Variants in OSBPL9 observed in about 807,000 individuals in gnomAD.
The protein encoded by OSBPL9 is oxysterol-binding protein-related protein 9.
A neutral mutation model predicts 106.6 loss-of-function variants in OSBPL9; 40 were observed. That is an observed-to-expected ratio of 0.38 (90% confidence interval 0.29 to 0.49). OSBPL9 has a LOEUF of 0.49. OSBPL9 is among the 20% of genes least tolerant of loss of function. The pLI is 0.97. For missense variants in OSBPL9, 609 were observed against 887.2 expected (o/e 0.69, Z 3.98); for synonymous variants, 269 against 295.4 (o/e 0.91, Z 0.92).
At chr1:51,707,195 AT>A in intron 3 of OSBPL9, 1 of 389,280 alleles carries the variant, frequency 2.6e-6, no homozygotes, top group South Asian at 2.0e-5. Flanking sequence ...AGCCAGATTC[AT>A]TTTCATTGTC....
intron 2 of OSBPL9, among the ~76,000 whole-genome samples, chr1:51,611,000 C>T (rs1271979674): frequency 6.6e-6 from 1 of 152,222 alleles, no homozygotes; most frequent in Non-Finnish European, 1.5e-5. Flanking sequence ...TCACTTCCAT[C>T]TGTGAAGGAG....
At chr1:51,576,486 G>A (rs552712432), upstream of OSBPL9, among the ~76,000 whole-genome samples, 2 of 152,252 alleles carry the variant, frequency 1.3e-5, no homozygotes, top group Admixed American at 6.5e-5. Context: ...TAGGTTTTTT[G>A]TTGGTTGTTT....
intron 3 of OSBPL9, among the ~76,000 whole-genome samples, chr1:51,688,324 T>C (rs1048410050): frequency 6.6e-6 from 1 of 152,196 alleles, no homozygotes; most frequent in Non-Finnish European, 1.5e-5. Context: ...ATATATATTT[T>C]TTGGCATGTC....
At chr1:51,523,531 T>C in the OSBPL9 span, among the ~76,000 whole-genome samples, 1 of 152,142 alleles carries the variant, frequency 6.6e-6, no homozygotes, top group Non-Finnish European at 1.5e-5. Flanking sequence ...AAGCTGGGAA[T>C]TATACACAAT....
chr1:51,527,191 CTT>C, the OSBPL9 span, among the ~76,000 whole-genome samples: 1 of 152,058 alleles, frequency 6.6e-6, no homozygotes, highest in African/African-American at 2.4e-5. Context: ...TATTAAAACT[CTT>C]TGACCCTCAG....
At chr1:51,777,087 A>G (rs1675256052) in intron 15 of OSBPL9, among the ~76,000 whole-genome samples, 169 bp downstream of exon 15, 1 of 152,176 alleles carries the variant, frequency 6.6e-6, no homozygotes, top group Non-Finnish European at 1.5e-5. Context: ...TTAAAGTTAT[A>G]TGGTGGCGAT....
intron 1 of OSBPL9, among the ~76,000 whole-genome samples, chr1:51,594,362 A>G (rs1341093365): frequency 6.6e-6 from 1 of 152,176 alleles, no homozygotes; most frequent in African/African-American, 2.4e-5. Context: ...AGATCATGCC[A>G]TTGCACTCCA....
Position 51,774,343 on chromosome 1 carries a change from T to A in OSBPL9, c.1170+1620T>A, listed in dbSNP as rs71653011. ...ATTATAAATGATATTATCATAATTATTTTTTACTGAATGTGTTTAAAATAA... is the reference window on the plus strand; with the variant it reads ...ATTATAAATGATATTATCATAATTAATTTTTACTGAATGTGTTTAAAATAA... On this transcript the variant is annotated intron_variant, in intron 14 of 23. Coordinates refer to ENST00000428468, the MANE Select transcript of OSBPL9 (RefSeq NM_024586.6). 8.0e-3 allele frequency among the ~76,000 whole-genome samples: 1,226 copies of A among 152,346 alleles called. 11 individuals carry two copies. Among genetic ancestry groups the A allele is most frequent in the Admixed American group, 0.022 (329 of 15,300 alleles).
chr1:51,534,087 C>T, the OSBPL9 span, among the ~76,000 whole-genome samples: 2 of 151,428 alleles, frequency 1.3e-5, no homozygotes, highest in African/African-American at 2.4e-5. Flanking sequence ...TGCTGTAGTC[C>T]CAGCTACTCA....
chr1:51,660,148 C>T (rs1284782874), intron 2 of OSBPL9, among the ~76,000 whole-genome samples: 3 of 152,172 alleles, frequency 2.0e-5, no homozygotes, highest in South Asian at 2.1e-4. Context: ...AAGAAGATTA[C>T]TCTTTACCCC....
intron 15 of OSBPL9, among the ~76,000 whole-genome samples, chr1:51,780,722 G>A (rs1467065764): frequency 1.3e-5 from 2 of 151,954 alleles, no homozygotes; most frequent in African/African-American, 2.4e-5. Context: ...CCGAGATCAC[G>A]CCACTGCACT....
intron 4 of OSBPL9, among the ~76,000 whole-genome samples, chr1:51,742,152 A>G (rs929433766): frequency 6.6e-6 from 1 of 152,212 alleles, no homozygotes. Context: ...TGATGGGTAT[A>G]GTGATGAATG....
At chr1:51,712,179 G>A (rs1660162852) in intron 3 of OSBPL9, among the ~76,000 whole-genome samples, 2 of 152,238 alleles carry the variant, frequency 1.3e-5, no homozygotes, top group South Asian at 4.1e-4. Context: ...GGGAGGCCGA[G>A]GCTGGCGGAT....
the OSBPL9 span, among the ~76,000 whole-genome samples, chr1:51,562,295 T>C: frequency 6.6e-6 from 1 of 152,102 alleles, no homozygotes; most frequent in African/African-American, 2.4e-5. Context: ...TTTTAAATTG[T>C]GTAGCACCTC....
At chr1:51,768,745 A>G (rs1673178773) in intron 12 of OSBPL9, among the ~76,000 whole-genome samples, 1 of 152,224 alleles carries the variant, frequency 6.6e-6, no homozygotes, top group Non-Finnish European at 1.5e-5. Context: ...TGTACCTGTA[A>G]TAGGCAGGTC....
intron 4 of OSBPL9, among the ~76,000 whole-genome samples, chr1:51,735,734 G>GA: frequency 6.6e-6 from 1 of 152,200 alleles, no homozygotes; most frequent in African/African-American, 2.4e-5. Flanking sequence ...TGAATTCTAA[G>GA]GTCCAGCATA....
chr1:51,573,578 G>A (rs542267318), upstream of OSBPL9, among the ~76,000 whole-genome samples: 4 of 150,284 alleles, frequency 2.7e-5, no homozygotes, highest in South Asian at 8.4e-4. Context: ...CATTTTGGGA[G>A]GCTAAGGCGG....
At chr1:51,613,086 G>T (rs1461918865), upstream of OSBPL9, among the ~76,000 whole-genome samples, 3 of 152,220 alleles carry the variant, frequency 2.0e-5, no homozygotes, top group East Asian at 5.8e-4. Context: ...CAATGGAACA[G>T]ATAATTCAGA....
chr1:51,608,968 C>G (rs549688002), intron 2 of OSBPL9, among the ~76,000 whole-genome samples: 1 of 150,588 alleles, frequency 6.6e-6, no homozygotes, highest in African/African-American at 2.4e-5. Flanking sequence ...CTTTTTTTTT[C>G]ACTTCACAGA....
Sources: allele counts gnomAD v4.1 joint callset (sites outside exome capture counted in the v4.1 genomes callset), GRCh38; gene constraint gnomAD v4.1.1; transcripts MANE v1.5; gene names NCBI Gene and HGNC (gene_info 2026-07-23, HGNC 2026-07-21).